CHRM3: variants seen among roughly 807,000 people sequenced by gnomAD.
The protein encoded by CHRM3 is cholinergic receptor muscarinic 3, also known as muscarinic acetylcholine receptor M3.
In CHRM3, 11 loss-of-function variants were observed where a neutral mutation model predicts 41.8. The ratio of observed to expected loss-of-function variants is 0.26; its 90% CI spans 0.17 to 0.44. The LOEUF is 0.44. Among genes scored for constraint, CHRM3 ranks in the 20% least tolerant of loss-of-function variants. The pLI, the probability that CHRM3 is intolerant of heterozygous loss-of-function variation, is 1.00. For synonymous variants in CHRM3, 297 were observed against 301.4 expected (o/e 0.99, Z 0.15); for missense variants, 571 against 745.4 (o/e 0.77, Z 2.72).
rs534992616 is a variant in CHRM3 at position 239,741,004 on chromosome 1, T to A, written c.-147+62716T>A. On this transcript the variant is annotated intron_variant, in intron 5 of 6. Transcript: ENST00000676153. ...CTGGTATTTTTTCCTTATGTATTCA[T>A]ATACTAGTCTTCCTAACTCTTTGTC... Among the ~76,000 whole-genome samples the A allele has an allele frequency of 1.9e-4, 29 of 152,306 alleles. No homozygotes were observed. The South Asian group carries it at 5.8e-3, about 30-fold the overall frequency.
intron 2 of CHRM3, among the ~76,000 whole-genome samples, chr1:239,531,894 C>T (rs914564501): frequency 1.3e-5 from 2 of 150,540 alleles, no homozygotes; most frequent in Non-Finnish European, 3.0e-5. Context: ...CTCCTGACCT[C>T]GTGATCTCCG....
chr1:239,846,139 G>A (rs976549210), intron 6 of CHRM3, among the ~76,000 whole-genome samples: 12 of 151,974 alleles, frequency 7.9e-5, no homozygotes, highest in Non-Finnish European at 1.6e-4. Context: ...TTCTGGGCCA[G>A]GGCTTTTGTG....
intron 1 of CHRM3, among the ~76,000 whole-genome samples, chr1:239,417,202 C>T (rs559421958): frequency 6.6e-6 from 1 of 152,290 alleles, no homozygotes; most frequent in Admixed American, 6.5e-5. Flanking sequence ...GCGTTGCTCA[C>T]ACATGCTGTT....
chr1:239,684,756 AAG>A (rs1284655048), intron 5 of CHRM3, among the ~76,000 whole-genome samples: 4 of 126,570 alleles, frequency 3.2e-5, no homozygotes. Flanking sequence ...AAGAGAAAGA[AAG>A]AAAGAAAGAA....
intron 3 of CHRM3, among the ~76,000 whole-genome samples, chr1:239,583,494 C>A (rs997052989): frequency 2.0e-5 from 3 of 152,080 alleles, no homozygotes; most frequent in African/African-American, 7.2e-5. Flanking sequence ...GTTGGGAAGA[C>A]GGGACGTCGA....
At chr1:239,582,362 G>C (rs775108550) in intron 3 of CHRM3, among the ~76,000 whole-genome samples, 26 of 152,072 alleles carry the variant, frequency 1.7e-4, no homozygotes, top group Non-Finnish European at 3.2e-4. Flanking sequence ...CAATATACTT[G>C]TGGTACTTTC....
At chr1:239,816,585 A>C (rs1281777016) in intron 5 of CHRM3, among the ~76,000 whole-genome samples, 1 of 152,102 alleles carries the variant, frequency 6.6e-6, no homozygotes, top group Non-Finnish European at 1.5e-5. Context: ...CTGGTCCAGG[A>C]AGTACCAAGC....
At chr1:239,653,917 A>C (rs1204340032) in intron 4 of CHRM3, among the ~76,000 whole-genome samples, 1 of 152,234 alleles carries the variant, frequency 6.6e-6, no homozygotes, top group Non-Finnish European at 1.5e-5. Flanking sequence ...CAGAGGCAGC[A>C]AAGCTTGAAG....
At chr1:239,426,865 A>G (rs1662430977) in intron 1 of CHRM3, among the ~76,000 whole-genome samples, 1 of 152,190 alleles carries the variant, frequency 6.6e-6, no homozygotes, top group Non-Finnish European at 1.5e-5. Context: ...GAAGTAAAAC[A>G]AGCTTATTTG....
intron 1 of CHRM3, among the ~76,000 whole-genome samples, chr1:239,482,138 T>C (rs1460474210): frequency 6.6e-6 from 1 of 152,166 alleles, no homozygotes; most frequent in African/African-American, 2.4e-5. Context: ...GTTTTTTCCT[T>C]TCTCTCCTCT....
intron 1 of CHRM3, among the ~76,000 whole-genome samples, chr1:239,450,849 G>T (rs1173904242): frequency 6.6e-6 from 1 of 152,190 alleles, no homozygotes; most frequent in Non-Finnish European, 1.5e-5. Flanking sequence ...TGTTCAAGGA[G>T]CTGTATCAGT....
At chr1:239,620,888 GTGGTAGGA>G (rs1668287879) in intron 3 of CHRM3, among the ~76,000 whole-genome samples, 1 of 152,148 alleles carries the variant, frequency 6.6e-6, no homozygotes, top group Non-Finnish European at 1.5e-5. Flanking sequence ...AGTCGTATGA[GTGGTAGGA>G]TAATAGTAAA....
chr1:239,769,667 A>T (rs929189805), intron 5 of CHRM3, among the ~76,000 whole-genome samples: 4 of 151,528 alleles, frequency 2.6e-5, no homozygotes, highest in African/African-American at 7.3e-5. Flanking sequence ...AGATCACCTG[A>T]AGTGAGGAGT....
At chr1:239,525,905 C>A (rs771935153) in intron 2 of CHRM3, among the ~76,000 whole-genome samples, 1 of 152,118 alleles carries the variant, frequency 6.6e-6, no homozygotes, top group African/African-American at 2.4e-5. Flanking sequence ...ACCCTGATGC[C>A]CAGGACACCC....
At chr1:239,809,513 C>A (rs1670944332) in intron 5 of CHRM3, among the ~76,000 whole-genome samples, 1 of 151,218 alleles carries the variant, frequency 6.6e-6, no homozygotes, top group South Asian at 2.1e-4. Context: ...TGTTTGTTTT[C>A]TTGAGATGGG....
intron 3 of CHRM3, among the ~76,000 whole-genome samples, chr1:239,618,277 CTTTTTT>C (rs61094722): frequency 8.3e-6 from 1 of 120,658 alleles, no homozygotes; most frequent in Admixed American, 9.6e-5. Context: ...TTTTTTCTTT[CTTTTTT>C]TTTTTTTTTT....
At chr1:239,777,756 A>G (rs1246231413) in intron 5 of CHRM3, among the ~76,000 whole-genome samples, 1 of 152,204 alleles carries the variant, frequency 6.6e-6, no homozygotes, top group African/African-American at 2.4e-5. Flanking sequence ...ACATTCATAG[A>G]GAGTTGTGAA....
rs144005738 is a variant in CHRM3, at chr1:239,503,037, A to G, written c.-422+10230A>G. 6.0e-4 allele frequency among the ~76,000 whole-genome samples: 91 copies of G among 152,332 alleles called. No homozygotes were observed. The East Asian group carries it at 0.014, about 24-fold the overall frequency. Reference sequence around the variant, plus strand: ...CCCACTCTCACCACTCCTCTTCAACATAGTACTGAAAGTCCTAGCCAGAGC... The same window carrying G: ...CCCACTCTCACCACTCCTCTTCAACGTAGTACTGAAAGTCCTAGCCAGAGC... On this transcript the variant is annotated intron_variant, in intron 2 of 6. Transcript: ENST00000676153.
chr1:239,648,730 G>A (rs977250951), intron 4 of CHRM3, among the ~76,000 whole-genome samples: 1 of 152,312 alleles, frequency 6.6e-6, no homozygotes, highest in Admixed American at 6.5e-5. Flanking sequence ...GGCAGTGGAA[G>A]GGACTGTCAC....
Sources: gnomAD v4.1 joint callset for allele counts (sites outside exome capture counted in the v4.1 genomes callset) on GRCh38, gnomAD v4.1.1 for gene constraint, MANE v1.5 for transcripts, NCBI Gene and HGNC (gene_info 2026-07-23, HGNC 2026-07-21) for gene names.